LRIG1: variants seen among roughly 807,000 people sequenced by gnomAD.
LRIG1 encodes leucine-rich repeats and immunoglobulin-like domains protein 1.
LRIG1 carries 48 observed loss-of-function variants against 99.2 expected under a neutral mutation model. The ratio of observed to expected loss-of-function variants is 0.48; its 90% CI spans 0.38 to 0.62. The LOEUF is 0.62. LRIG1 is among the 20% of genes least tolerant of loss of function. The pLI is 0.00. For missense variants in LRIG1, 1,646 were observed against 1,434.4 expected (o/e 1.15, Z -2.38); for synonymous variants, 772 against 596.1 (o/e 1.29, Z -4.30).
chr3:66,396,178 G>C (rs1355565278), intron 11 of LRIG1, among the ~76,000 whole-genome samples: 2 of 152,220 alleles, frequency 1.3e-5, no homozygotes, highest in Non-Finnish European at 2.9e-5. Context: ...GGAAGACAGT[G>C]GGTACTCAGG....
At chr3:66,428,023 TTTTC>T (rs1388357193) in intron 3 of LRIG1, among the ~76,000 whole-genome samples, 1 of 152,242 alleles carries the variant, frequency 6.6e-6, no homozygotes, top group Non-Finnish European at 1.5e-5. Context: ...GCAATTTATT[TTTTC>T]TTTCTATTGT....
chr3:66,485,807 C>T (rs1482491129), intron 1 of LRIG1, among the ~76,000 whole-genome samples: 1 of 152,118 alleles, frequency 6.6e-6, no homozygotes, highest in Non-Finnish European at 1.5e-5. Flanking sequence ...GACACACACG[C>T]CTACCAACAA....
intron 10 of LRIG1, among the ~76,000 whole-genome samples, chr3:66,398,669 CA>C (rs1208655714): frequency 6.6e-6 from 1 of 152,172 alleles, no homozygotes; most frequent in African/African-American, 2.4e-5. Context: ...GCAATGAGGC[CA>C]GGGGTCCATG....
intron 16 of LRIG1, among the ~76,000 whole-genome samples, 185 bp from the exon 17 acceptor site, chr3:66,381,816 T>C (rs1701085177): frequency 1.3e-5 from 2 of 152,150 alleles, no homozygotes; most frequent in Admixed American, 1.3e-4. Flanking sequence ...AGGCTGGCCT[T>C]GTGAAATGAG....
intron 3 of LRIG1, among the ~76,000 whole-genome samples, chr3:66,421,877 G>A (rs567949329): frequency 1.4e-4 from 22 of 152,340 alleles, no homozygotes; most frequent in African/African-American, 5.1e-4. Context: ...TTCCATACAT[G>A]CTCTGAAATC....
At chr3:66,405,972 G>A in intron 8 of LRIG1, 2 of 995,224 alleles carry the variant, frequency 2.0e-6, no homozygotes, top group Non-Finnish European at 2.4e-6. Context: ...ACAGTGCCCA[G>A]GCGAGACATC....
At chr3:66,484,052 A>G (rs1700911894) in intron 1 of LRIG1, among the ~76,000 whole-genome samples, 1 of 152,260 alleles carries the variant, frequency 6.6e-6, no homozygotes, top group Admixed American at 6.5e-5. Context: ...CATCTTTTCA[A>G]CTTCGGTTCT....
chr3:66,474,685 CACGCCTG>C (rs950865654), intron 1 of LRIG1, among the ~76,000 whole-genome samples: 18 of 152,162 alleles, frequency 1.2e-4, no homozygotes, highest in Admixed American at 1.0e-3. Flanking sequence ...CACCCCACCA[CACGCCTG>C]TCCCCTCCCC....
chr3:66,414,329 G>A (rs918986586), intron 5 of LRIG1, among the ~76,000 whole-genome samples: 9 of 152,088 alleles, frequency 5.9e-5, no homozygotes, highest in South Asian at 2.1e-4. Context: ...CCCCGGGGGC[G>A]GAGCTTGCAG....
rs369374914 is a variant in LRIG1 at position 66,451,670 on chromosome 3, T to C, written c.291-37A>G. On this transcript the variant is annotated intron_variant, in intron 2 of 18. Coordinates refer to ENST00000273261, the MANE Select transcript of LRIG1 (RefSeq NM_015541.3). Reference sequence around the variant, plus strand: ...ACAAGAAATTAATCATGTAAGGCATTTGAATTAGTCTGAAATCATACACAT... The same window carrying C: ...ACAAGAAATTAATCATGTAAGGCATCTGAATTAGTCTGAAATCATACACAT... 379 of 1,496,852 alleles carry C rather than the reference T, an allele frequency of 2.5e-4. 2 individuals are homozygous for C. The African/African-American group carries it at 4.6e-3, about 18-fold the overall frequency. The allele number at this position is 1,496,852 out of a possible 1,614,324, so 92.7% of individuals were successfully genotyped here. A position where few individuals can be genotyped will look rare whatever the true frequency, so the allele number is the denominator to read the frequency against.
intron 1 of LRIG1, among the ~76,000 whole-genome samples, chr3:66,466,855 T>G (rs1276644506): frequency 6.6e-6 from 1 of 152,250 alleles, no homozygotes. Context: ...CACCTTTCAG[T>G]AGCAAAGAGG....
intron 1 of LRIG1, among the ~76,000 whole-genome samples, chr3:66,462,866 AT>A (rs986156592): frequency 6.6e-6 from 1 of 152,094 alleles, no homozygotes; most frequent in Non-Finnish European, 1.5e-5. Context: ...TCTTAACGGC[AT>A]TTTTTTAAAT....
rs143013508 is a variant in LRIG1 at position 66,380,476 on chromosome 3, C to G, written c.3069G>C (p.Trp1023Cys). The G allele has an allele frequency of 6.2e-7, 1 of 1,614,146 alleles. No homozygotes were observed. The highest frequency in any genetic ancestry group is 8.5e-7 in the Non-Finnish European group (1 of 1,180,032). Residue 1023 changes from tryptophan to cysteine, a missense_variant, in exon 19 of 19, where the codon TGG (tryptophan) becomes TGC (cysteine). Physicochemically the swap from Trp to Cys is radical, Grantham distance 215. Coordinates refer to ENST00000273261, the MANE Select transcript of LRIG1 (RefSeq NM_015541.3). ...CCGGGTGATACAACCTTGCTAAAGT[C>G]CAGGAAGAATCCCCTACAAGGAAAG... ...ASLDGKGDSSWTLARLYHPDS... is the reference protein window; with the variant it reads ...ASLDGKGDSSCTLARLYHPDS...
chr3:66,470,420 G>A (rs1305950738), intron 1 of LRIG1, among the ~76,000 whole-genome samples: 5 of 152,148 alleles, frequency 3.3e-5, no homozygotes, highest in African/African-American at 9.7e-5. Flanking sequence ...CCTGGGAAAC[G>A]AGGCCAGAAA....
At position 66,398,990 on chromosome 3, in the gene LRIG1, C is replaced by G; in HGVS notation, c.1212G>C (p.Gly404=). The G allele has an allele frequency of 6.2e-7, 1 of 1,614,180 alleles. No homozygotes were observed. Among genetic ancestry groups the G allele is most frequent in the South Asian group, 1.1e-5 (1 of 91,074 alleles). Residue 404 remains glycine, a synonymous_variant, in exon 10 of 19, where the codon GGG becomes GGC. Coordinates refer to ENST00000273261, the MANE Select transcript of LRIG1 (RefSeq NM_015541.3). ...IKSVAKRAFS[G]LEGLEHLNLG... ...CTCACAGGTGCTCCAGGCCTTCCAG[C>G]CCCGAGAATGCTCTCTTAGCCACAG...
chr3:66,398,282 C>G, intron 10 of LRIG1, 99 bp from the exon 11 acceptor site: 1 of 862,214 alleles, frequency 1.2e-6, no homozygotes, highest in Non-Finnish European at 1.9e-6. Context: ...CAGGGACTAG[C>G]CAGACCTGTG....
chr3:66,414,969 T>G lies in LRIG1; in HGVS notation c.598A>C (p.Ile200Leu). The change falls in exon 5 of 19, where the codon ATC becomes CTC. Residue 200 changes from isoleucine (I) to leucine (L), a missense_variant. By Grantham distance (5) the Ile-to-Leu change is conservative (BLOSUM62 2). Coordinates refer to ENST00000273261, the MANE Select transcript of LRIG1 (RefSeq NM_015541.3). ...AATGCTCTTACAGGAAGCTGGGTGA[T>G]CCTGTTTTTGCTCAGGCGAAGAGTT... ...LLTLRLSKNRITQLPVRAFKL... is the reference protein window; with the variant it reads ...LLTLRLSKNRLTQLPVRAFKL... 1 of 1,612,540 alleles carries G rather than the reference T, an allele frequency of 6.2e-7. No individual in the cohort carries two copies. The highest frequency in any genetic ancestry group is 8.5e-7 in the Non-Finnish European group (1 of 1,179,192).
rs141596969 is a variant in LRIG1, at chr3:66,439,686, C to G, written c.365+11873G>C. On this transcript the variant is annotated intron_variant, in intron 3 of 18. Coordinates refer to ENST00000273261, the MANE Select transcript of LRIG1 (RefSeq NM_015541.3). ...CTATAAAGAGAGTTTTTTCCACCAT[C>G]ATGGTGGGACATTTCTGACATATAG... 3.5e-3 allele frequency among the ~76,000 whole-genome samples: 538 copies of G among 152,076 alleles called. 2 individuals are homozygous for G. Among genetic ancestry groups the G allele is most frequent in the African/African-American group, 0.012 (513 of 41,494 alleles).
chr3:66,424,726 C>G (rs1044013384), intron 3 of LRIG1, among the ~76,000 whole-genome samples: 3 of 152,190 alleles, frequency 2.0e-5, no homozygotes, highest in African/African-American at 7.2e-5. Context: ...CCCTGACTTA[C>G]GATGGTTCAG....
Sources: allele counts gnomAD v4.1 joint callset (sites outside exome capture counted in the v4.1 genomes callset), GRCh38; gene constraint gnomAD v4.1.1; transcripts MANE v1.5; gene names NCBI Gene and HGNC (gene_info 2026-07-23, HGNC 2026-07-21).